CCSER2: variants seen among roughly 807,000 people sequenced by gnomAD.
CCSER2 encodes the protein coiled-coil serine rich protein 2, also known as serine-rich coiled-coil domain-containing protein 2.
Under a neutral mutation model 92.3 loss-of-function variants are expected in CCSER2, and 46 were observed. The observed-to-expected ratio is 0.50, with a 90% CI of 0.39 to 0.64. The LOEUF is 0.64. Ranked by LOEUF, CCSER2 falls within the 30% of genes least tolerant of loss-of-function variation. The probability of loss-of-function intolerance (pLI) is 0.00; values close to 1 mark genes in which losing one functional copy is unlikely to be tolerated. For synonymous variants in CCSER2, 433 were observed against 431.4 expected, an observed-to-expected ratio of 1.00 and a Z score of -0.04; for missense variants, 1,244 against 1,238.9, an observed-to-expected ratio of 1.00 and a Z score of -0.06.
chr10:84,505,815 G>A (rs1179351354), intron 9 of CCSER2, among the ~76,000 whole-genome samples: 9 of 152,058 alleles, frequency 5.9e-5, no homozygotes, highest in African/African-American at 1.9e-4. Context: ...GAAGTGCAGC[G>A]TTAGTGGTTT....
intron 3 of CCSER2, among the ~76,000 whole-genome samples, chr10:84,385,604 A>T (rs975068089): frequency 5.3e-5 from 8 of 152,238 alleles, no homozygotes; most frequent in African/African-American, 1.9e-4. Context: ...ACAGAAATTA[A>T]GATGGATTAA....
intron 9 of CCSER2, among the ~76,000 whole-genome samples, chr10:84,503,986 C>T (rs781659049): frequency 6.6e-6 from 1 of 152,152 alleles, no homozygotes; most frequent in Non-Finnish European, 1.5e-5. Context: ...TTTTACATGA[C>T]AGCCCAGTAT....
chr10:84,339,251 A>G (rs1191058047), intron 1 of CCSER2, among the ~76,000 whole-genome samples: 1 of 150,088 alleles, frequency 6.7e-6, no homozygotes, highest in Non-Finnish European at 1.5e-5. Context: ...CAATTTTCCC[A>G]CCTTGGCCTC....
At chr10:84,389,989 A>T (rs1351002025) in intron 3 of CCSER2, among the ~76,000 whole-genome samples, 1 of 152,086 alleles carries the variant, frequency 6.6e-6, no homozygotes, top group African/African-American at 2.4e-5. Context: ...TTCAGAGCCA[A>T]GTTTTGGGGG....
intron 5 of CCSER2, among the ~76,000 whole-genome samples, chr10:84,429,829 C>T (rs1054484470): frequency 1.6e-4 from 24 of 150,466 alleles, no homozygotes; most frequent in African/African-American, 5.6e-4. Flanking sequence ...CACTTAACTA[C>T]GGGAATGTAT....
intron 6 of CCSER2, among the ~76,000 whole-genome samples, chr10:84,445,822 A>G (rs1407569098): frequency 6.6e-6 from 1 of 152,210 alleles, no homozygotes; most frequent in Non-Finnish European, 1.5e-5. Flanking sequence ...TTGTGTTAAT[A>G]TGGCACAGTT....
At chr10:84,485,350 A>G (rs1377413346) in intron 9 of CCSER2, among the ~76,000 whole-genome samples, 1 of 152,206 alleles carries the variant, frequency 6.6e-6, no homozygotes, top group Non-Finnish European at 1.5e-5. Flanking sequence ...CATGTGTGGT[A>G]CCTCTTTGCA....
Position 84,372,430 on chromosome 10 carries a change from T to C in CCSER2, c.1378T>C (p.Phe460Leu). The change falls in exon 2 of 10, where the codon TTC (phenylalanine) becomes CTC (leucine). Residue 460 changes from phenylalanine (F) to leucine (L), a missense_variant. Coordinates refer to ENST00000372088, the MANE Select transcript of CCSER2 (RefSeq NM_001284240.2). ...FDSPKENEKA[F>L]SKTDEWIDIS... is the part of the protein sequence containing the mutation. Reference sequence around the variant, plus strand: ...TTCCCCCAAGGAAAATGAAAAAGCCTTCAGTAAAACTGATGAATGGATAGA... The same window carrying C: ...TTCCCCCAAGGAAAATGAAAAAGCCCTCAGTAAAACTGATGAATGGATAGA... The C allele has an allele frequency of 6.3e-7, 1 of 1,585,206 alleles. No homozygotes were observed. Among genetic ancestry groups the C allele is most frequent in the Non-Finnish European group, 8.5e-7 (1 of 1,172,018 alleles).
intron 7 of CCSER2, 103 bp from the exon 8 acceptor site, chr10:84,470,269 A>G (rs1390858389): frequency 1.7e-6 from 1 of 595,248 alleles, no homozygotes; most frequent in Non-Finnish European, 2.4e-6. Flanking sequence ...TTTCCCCCCT[A>G]AATGACCAGA....
intron 8 of CCSER2, among the ~76,000 whole-genome samples, chr10:84,477,373 G>A (rs1200268730): frequency 6.6e-6 from 1 of 152,126 alleles, no homozygotes; most frequent in African/African-American, 2.4e-5. Context: ...ATTTTGCCAT[G>A]TGTGACTTTT....
intron 1 of CCSER2, among the ~76,000 whole-genome samples, chr10:84,353,620 G>A (rs1006507292): frequency 6.6e-6 from 1 of 152,090 alleles, no homozygotes; most frequent in African/African-American, 2.4e-5. Flanking sequence ...CCTGACTTAG[G>A]TGGGTGAATG....
At chr10:84,360,719 C>T (rs938953229) in intron 1 of CCSER2, among the ~76,000 whole-genome samples, 2 of 152,168 alleles carry the variant, frequency 1.3e-5, no homozygotes, top group African/African-American at 4.8e-5. Context: ...CACCTGGAAA[C>T]TTGTTAAAAA....
chr10:84,330,232 A>C (rs1340780675), intron 1 of CCSER2, among the ~76,000 whole-genome samples: 4 of 152,228 alleles, frequency 2.6e-5, no homozygotes, highest in Non-Finnish European at 5.9e-5. Flanking sequence ...ATTTGTCTCC[A>C]TTCTAGTGTC....
At chr10:84,443,997 TA>T (rs1429961992) in intron 6 of CCSER2, among the ~76,000 whole-genome samples, 2 of 150,828 alleles carry the variant, frequency 1.3e-5, no homozygotes, top group Non-Finnish European at 3.0e-5. Flanking sequence ...TGTCGGGGGG[TA>T]GGGGGCTGGG....
chr10:84,460,237 G>A (rs943875845), intron 6 of CCSER2, among the ~76,000 whole-genome samples: 9 of 148,334 alleles, frequency 6.1e-5, no homozygotes, highest in Non-Finnish European at 1.2e-4. Context: ...CTATGGGCAT[G>A]CGCCACCATG....
chr10:84,478,075 T>C (rs1237037703), intron 9 of CCSER2, among the ~76,000 whole-genome samples: 1 of 152,200 alleles, frequency 6.6e-6, no homozygotes, highest in Non-Finnish European at 1.5e-5. Flanking sequence ...CAAATATGTT[T>C]ATTATAATTA....
At chr10:84,500,270 T>G (rs1848656421) in intron 9 of CCSER2, among the ~76,000 whole-genome samples, 1 of 152,218 alleles carries the variant, frequency 6.6e-6, no homozygotes, top group Non-Finnish European at 1.5e-5. Flanking sequence ...CCTTGAAATA[T>G]GTGAATAAAA....
At chr10:84,417,736 G>C in intron 3 of CCSER2, 35 bp from the exon 4 acceptor site, 1 of 996,478 alleles carries the variant, frequency 1.0e-6, no homozygotes, top group Non-Finnish European at 1.6e-6. Context: ...CTTAGAGCTA[G>C]ATTATGGTAT....
chr10:84,438,801 C>T, intron 6 of CCSER2, 94 bp downstream of exon 6: 1 of 751,190 alleles, frequency 1.3e-6, no homozygotes. Context: ...CTGGGTTTCT[C>T]ATGTCTTTTT....
Sources: allele counts gnomAD v4.1 joint callset (sites outside exome capture counted in the v4.1 genomes callset), GRCh38; gene constraint gnomAD v4.1.1; transcripts MANE v1.5; gene names NCBI Gene and HGNC (gene_info 2026-07-23, HGNC 2026-07-21).